The following DENND4C variants were observed in gnomAD, a reference collection of about 807,000 sequenced individuals.
DENND4C encodes the protein DENN domain-containing protein 4C.
DENND4C carries 108 observed loss-of-function variants against 203.0 expected under a neutral mutation model. That is an observed-to-expected ratio of 0.53 (90% CI 0.46 to 0.62). The LOEUF (loss-of-function observed/expected upper bound fraction) is 0.62, where lower values mean the gene tolerates loss of function less well. Among genes scored for constraint, DENND4C ranks in the 20% least tolerant of loss-of-function variants. The pLI is 0.00. For missense variants in DENND4C, 2,481 were observed against 2,301.2 expected (o/e 1.08, Z -1.60); for synonymous variants, 871 against 792.4 (o/e 1.10, Z -1.67).
At chr9:19,251,050 T>C (rs1035140783) in intron 1 of DENND4C, among the ~76,000 whole-genome samples, 2 of 150,858 alleles carry the variant, frequency 1.3e-5, no homozygotes, top group East Asian at 1.9e-4. Flanking sequence ...TTGTGGGGGC[T>C]CCCACCCCAC....
At chr9:19,282,182 A>T (rs1834185191) in intron 2 of DENND4C, among the ~76,000 whole-genome samples, 2 of 151,772 alleles carry the variant, frequency 1.3e-5, no homozygotes, top group African/African-American at 2.4e-5. Context: ...CTGTACAAAA[A>T]TATTTTTCTT....
At chr9:19,319,158 T>G (rs1322223352) in intron 12 of DENND4C, among the ~76,000 whole-genome samples, 2 of 147,076 alleles carry the variant, frequency 1.4e-5, no homozygotes, top group Non-Finnish European at 3.0e-5. Flanking sequence ...GAGTGAAACT[T>G]CATCTCAAAA....
chr9:19,254,562 A>G (rs538657707), intron 1 of DENND4C, among the ~76,000 whole-genome samples: 1 of 152,322 alleles, frequency 6.6e-6, no homozygotes, highest in South Asian at 2.1e-4. Flanking sequence ...AGAGCATACA[A>G]GGGTGGTTGC....
Position 19,361,796 on chromosome 9 carries a change from T to C in DENND4C, c.5407-50T>C, listed in dbSNP as rs748912121. 15 of 1,098,680 alleles carry C rather than the reference T, an allele frequency of 1.4e-5. No homozygotes were observed. In the African/African-American group the frequency reaches 1.6e-4, roughly 11 times the overall value. The allele number at this position is 1,098,680 out of a possible 1,614,324, so 68.1% of individuals were successfully genotyped here. ...TATAATCAAGCTTCACTAGATCTAC[T>C]GGTAATTGTTATTCTCGGGATACTA... is the stretch of plus-strand genomic sequence containing the variant. On this transcript the variant is annotated intron_variant, in intron 29 of 32. Coordinates refer to ENST00000434457, the MANE Select transcript of DENND4C (RefSeq NM_001330640.2).
intron 2 of DENND4C, among the ~76,000 whole-genome samples, chr9:19,277,986 A>G (rs965965406): frequency 4.0e-5 from 6 of 151,394 alleles, no homozygotes; most frequent in African/African-American, 1.5e-4. Context: ...TTCTTTTAAT[A>G]TAACTATGAT....
chr9:19,283,262 C>G (rs1341162209), intron 2 of DENND4C, among the ~76,000 whole-genome samples: 1 of 152,088 alleles, frequency 6.6e-6, no homozygotes, highest in African/African-American at 2.4e-5. Flanking sequence ...CTATCTCTGC[C>G]TTCCATCGCC....
At chr9:19,274,109 T>G (rs1442733647) in intron 1 of DENND4C, among the ~76,000 whole-genome samples, 1 of 152,000 alleles carries the variant, frequency 6.6e-6, no homozygotes. Flanking sequence ...AGCAACAACA[T>G]GGATTTATCA....
chr9:19,257,953 T>C (rs1184125466), intron 1 of DENND4C, among the ~76,000 whole-genome samples: 1 of 152,048 alleles, frequency 6.6e-6, no homozygotes, highest in African/African-American at 2.4e-5. Context: ...TGAGACCTCA[T>C]CTCCAGAAAA....
At chr9:19,352,317 G>A (rs1285880629) in intron 25 of DENND4C, 135 bp downstream of exon 25, 1 of 1,036,762 alleles carries the variant, frequency 9.6e-7, no homozygotes, top group African/African-American at 1.6e-5. Context: ...TTTGCTTGAT[G>A]TCTTATGTAA....
At chr9:19,362,615 C>T (rs1588989874) in intron 30 of DENND4C, among the ~76,000 whole-genome samples, 2 of 151,628 alleles carry the variant, frequency 1.3e-5, no homozygotes, top group Non-Finnish European at 1.5e-5. Flanking sequence ...TTAATTGTGA[C>T]GGGTCTCAAC....
rs1838301026 is a variant in DENND4C, at chr9:19,300,338, A to G, written c.1311+7A>G. The G allele has an allele frequency of 6.6e-7, 1 of 1,522,352 alleles. No homozygotes were observed. Among genetic ancestry groups the G allele is most frequent in the Non-Finnish European group, 8.9e-7 (1 of 1,122,208 alleles). 94.3% of individuals were successfully genotyped at this position (1,522,352 alleles called of 1,614,324 possible). ...AGCTGAAGCTGTTGTAGCTGTAAGT[A>G]TAGAATTTTCCTTTTAGTACAAAAT... On this transcript the variant is annotated splice_region_variant and intron_variant, in intron 9 of 32. Transcript: ENST00000434457.
At chr9:19,304,186 T>C (rs1211257777) in intron 9 of DENND4C, among the ~76,000 whole-genome samples, 2 of 88,082 alleles carry the variant, frequency 2.3e-5, no homozygotes, top group African/African-American at 3.7e-5. Context: ...ATATTTTATA[T>C]TGATTTTTTT....
chr9:19,371,985 G>T (rs1828927960), intron 32 of DENND4C, 52 bp from the exon 33 acceptor site: 7 of 1,567,284 alleles, frequency 4.5e-6, no homozygotes, highest in Non-Finnish European at 4.3e-6. Context: ...GAAATGAACG[G>T]CTGTTGTCTT....
intron 2 of DENND4C, among the ~76,000 whole-genome samples, chr9:19,277,068 C>G (rs973811055): frequency 6.6e-6 from 1 of 151,934 alleles, no homozygotes; most frequent in Non-Finnish European, 1.5e-5. Context: ...CTTGACTCTT[C>G]TGTAAAAAGG....
chr9:19,285,864 C>G (rs1017961407), intron 2 of DENND4C, among the ~76,000 whole-genome samples: 13 of 152,226 alleles, frequency 8.5e-5, no homozygotes, highest in African/African-American at 2.6e-4. Flanking sequence ...AATCAATTGA[C>G]TGCAAATATA....
intron 5 of DENND4C, among the ~76,000 whole-genome samples, chr9:19,295,098 G>GC (rs1200866643): frequency 6.6e-6 from 1 of 152,196 alleles, no homozygotes; most frequent in Non-Finnish European, 1.5e-5. Flanking sequence ...CAGGCCGGGT[G>GC]CAGTGGCTCA....
chr9:19,358,506 C>A lies in DENND4C; in HGVS notation c.5160+346C>A, dbSNP rs1019671626. On this transcript the variant is annotated intron_variant, in intron 28 of 32. Coordinates refer to ENST00000434457, the MANE Select transcript of DENND4C (RefSeq NM_001330640.2). The surrounding 1 kb of genome is among the most constrained non-coding windows in gnomAD (Gnocchi z 4.8). ...AGTATGTATCCCTGAATGATGAGGA[C>A]TTTAGAAAAATATAATCACACTGCT... Among the ~76,000 whole-genome samples, 1 of 148,906 alleles carries A rather than the reference C, an allele frequency of 6.7e-6. No individual in the cohort carries two copies. The highest frequency in any genetic ancestry group is 1.5e-5 in the Non-Finnish European group (1 of 67,976).
chr9:19,359,199 G>T (rs1825971854), intron 28 of DENND4C, among the ~76,000 whole-genome samples: 1 of 151,670 alleles, frequency 6.6e-6, no homozygotes, highest in South Asian at 2.1e-4. Flanking sequence ...TAATTTGGAG[G>T]AATAGGGTAT....
intron 30 of DENND4C, among the ~76,000 whole-genome samples, chr9:19,364,413 G>C (rs1234912050): frequency 6.6e-6 from 1 of 152,182 alleles, no homozygotes; most frequent in Non-Finnish European, 1.5e-5. Context: ...ATTGCAGTTC[G>C]AGAACTCTGT....
Sources: allele counts gnomAD v4.1 joint callset (sites outside exome capture counted in the v4.1 genomes callset), GRCh38; gene constraint gnomAD v4.1.1; non-coding constraint Gnocchi (gnomAD v3.1); transcripts MANE v1.5; gene names NCBI Gene and HGNC (gene_info 2026-07-23, HGNC 2026-07-21).